DPP6: variants seen among roughly 807,000 people sequenced by gnomAD.
DPP6 encodes dipeptidyl peptidase like 6, also known as A-type potassium channel modulatory protein DPP6.
DPP6 carries 69 observed loss-of-function variants against 122.6 expected under a neutral mutation model. That is an observed-to-expected ratio of 0.56 (90% confidence interval 0.46 to 0.69). DPP6 has a LOEUF of 0.69. Ranked by LOEUF, DPP6 falls within the 30% of genes least tolerant of loss-of-function variation. DPP6 has a pLI of 0.00. For missense variants in DPP6, 928 were observed against 1,116.9 expected, an observed-to-expected ratio of 0.83 and a Z score of 2.41; for synonymous variants, 418 against 433.1, an observed-to-expected ratio of 0.97 and a Z score of 0.43.
chr7:153,941,997 C>T (rs880285), intron 1 of DPP6, among the ~76,000 whole-genome samples: 12,133 of 152,234 alleles, frequency 0.08, 629 homozygotes, highest in South Asian at 0.13. Context: ...ACCTCTGAAG[C>T]GTTTCTGCAA....
chr7:154,600,398 G>A (rs542757946), intron 5 of DPP6, among the ~76,000 whole-genome samples: 1 of 120,680 alleles, frequency 8.3e-6, no homozygotes, highest in African/African-American at 2.6e-5. Flanking sequence ...GAAAGAGCTG[G>A]GATTACAGGC....
intron 15 of DPP6, among the ~76,000 whole-genome samples, chr7:154,805,842 T>C (rs1280617750): frequency 6.6e-6 from 1 of 152,224 alleles, no homozygotes; most frequent in Non-Finnish European, 1.5e-5. Flanking sequence ...GCCTCCCCCG[T>C]GCCTCTGCAT....
intron 8 of DPP6, among the ~76,000 whole-genome samples, chr7:154,769,118 A>G (rs1249315818): frequency 6.6e-6 from 1 of 152,216 alleles, no homozygotes; most frequent in Non-Finnish European, 1.5e-5. Context: ...TTGGGCTCAT[A>G]GTGCTCAAAT....
At chr7:154,884,561 A>AC (rs1805928767) in intron 21 of DPP6, 1 of 151,422 alleles carries the variant, frequency 6.6e-6, no homozygotes. Flanking sequence ...TCACATGCTC[A>AC]CCCATACATA....
intron 1 of DPP6, among the ~76,000 whole-genome samples, chr7:154,229,685 AT>A (rs1256723999): frequency 2.0e-5 from 3 of 152,144 alleles, no homozygotes; most frequent in African/African-American, 7.2e-5. Context: ...TAAAGCATCA[AT>A]TATTACACCA....
intron 1 of DPP6, among the ~76,000 whole-genome samples, chr7:154,046,983 G>A (rs981958425): frequency 6.6e-6 from 1 of 151,342 alleles, no homozygotes; most frequent in African/African-American, 2.5e-5. Flanking sequence ...GATTTATTGA[G>A]TTGACACTGG....
chr7:153,845,266 G>A, the DPP6 span, among the ~76,000 whole-genome samples: 14,863 of 151,698 alleles, frequency 0.098, 815 homozygotes, highest in Middle Eastern at 0.15. Context: ...TTAATATTTC[G>A]GTCAACATAT....
intron 1 of DPP6, among the ~76,000 whole-genome samples, chr7:154,061,925 C>A (rs1418440333): frequency 7.5e-6 from 1 of 132,522 alleles, no homozygotes; most frequent in Non-Finnish European, 1.7e-5. Flanking sequence ...CTCTGAGGAC[C>A]CCCATCGCAG....
At chr7:154,648,276 A>T (rs1278530854) in intron 6 of DPP6, among the ~76,000 whole-genome samples, 1 of 151,914 alleles carries the variant, frequency 6.6e-6, no homozygotes, top group Non-Finnish European at 1.5e-5. Context: ...CTAAAAAAAA[A>T]AAAAAATCAC....
chr7:154,441,228 C>T (rs1819346745), intron 1 of DPP6, among the ~76,000 whole-genome samples: 1 of 152,114 alleles, frequency 6.6e-6, no homozygotes. Flanking sequence ...GTTGGAGGAT[C>T]ACAAGTGGAA....
chr7:153,969,075 C>T (rs2129032455), intron 1 of DPP6, among the ~76,000 whole-genome samples: 1 of 150,750 alleles, frequency 6.6e-6, no homozygotes, highest in Middle Eastern at 3.4e-3. Flanking sequence ...TGTGTACGTG[C>T]TTTTGTGTGG....
chr7:154,705,049 A>C (rs1328509849), intron 7 of DPP6, among the ~76,000 whole-genome samples: 1 of 152,174 alleles, frequency 6.6e-6, no homozygotes, highest in Non-Finnish European at 1.5e-5. Flanking sequence ...GCATGGATGA[A>C]CCAGACAAGG....
At chr7:154,401,011 G>A (rs1815526695) in intron 1 of DPP6, among the ~76,000 whole-genome samples, 3 of 152,012 alleles carry the variant, frequency 2.0e-5, no homozygotes, top group Admixed American at 2.0e-4. Flanking sequence ...GACCAGCCTG[G>A]CCAACATGGC....
At chr7:153,835,077 T>C in the DPP6 span, among the ~76,000 whole-genome samples, 1 of 152,206 alleles carries the variant, frequency 6.6e-6, no homozygotes, top group South Asian at 2.1e-4. Context: ...GATAACAGAT[T>C]ATAAATAGGT....
In DPP6 at chr7:154,241,372, G is replaced by A. The variant is rs971305263; in HGVS notation, c.243+188309G>A. ...TTTCCCTGTTTTATCCAAATTCTCA[G>A]TGTTTTTAAAGATCCCATTCTGGCA... On this transcript the variant is annotated intron_variant, in intron 1 of 25. Transcript: ENST00000377770. The surrounding 1 kb of genome is among the most constrained non-coding windows in gnomAD (Gnocchi z 9.0). Among the ~76,000 whole-genome samples, 1 of 152,020 alleles carries A rather than the reference G, an allele frequency of 6.6e-6. No individual in the cohort carries two copies. Among genetic ancestry groups the A allele is most frequent in the Non-Finnish European group, 1.5e-5 (1 of 68,018 alleles).
chr7:154,460,451 C>T (rs1446177169), intron 2 of DPP6, among the ~76,000 whole-genome samples: 3 of 152,092 alleles, frequency 2.0e-5, no homozygotes, highest in South Asian at 2.1e-4. Flanking sequence ...TTCATAACCA[C>T]GTGGGAAAAT....
rs560341927 is a variant in DPP6 at position 153,958,142 on chromosome 7, C to T, written c.51+70408C>T. Among the ~76,000 whole-genome samples the T allele has an allele frequency of 5.1e-4, 78 of 152,120 alleles. 1 individual carries two copies. In the South Asian group the frequency reaches 0.013, roughly 26 times the overall value. ...TCACACCACTGCGCTCCAGCCTGGGCGACGGAGTGAGACTCCATCTTAAAA... is the reference window on the plus strand; with the variant it reads ...TCACACCACTGCGCTCCAGCCTGGGTGACGGAGTGAGACTCCATCTTAAAA... On this transcript the variant is annotated intron_variant, in intron 1 of 25. Coordinates refer to the DPP6 transcript ENST00000404039.
At chr7:153,837,201 G>A in the DPP6 span, among the ~76,000 whole-genome samples, 1 of 152,150 alleles carries the variant, frequency 6.6e-6, no homozygotes, top group Non-Finnish European at 1.5e-5. Flanking sequence ...CTTTCTCAAA[G>A]TATACAATTT....
intron 1 of DPP6, among the ~76,000 whole-genome samples, chr7:154,245,901 A>T (rs368021839): frequency 6.6e-6 from 1 of 152,202 alleles, no homozygotes. Context: ...AATTTCAGTA[A>T]GTATATAGAA....
Sources: gnomAD v4.1 joint callset for allele counts (sites outside exome capture counted in the v4.1 genomes callset) on GRCh38, gnomAD v4.1.1 for gene constraint, Gnocchi (gnomAD v3.1) non-coding constraint, MANE v1.5 for transcripts, NCBI Gene and HGNC (gene_info 2026-07-23, HGNC 2026-07-21) for gene names.